Variants in LRP5 observed in about 807,000 individuals in gnomAD.
LRP5 encodes the protein LDL receptor related protein 5.
LRP5 carries 62 observed loss-of-function variants against 154.1 expected under a neutral mutation model. The ratio of observed to expected loss-of-function variants is 0.40; its 90% CI spans 0.33 to 0.50. The LOEUF (loss-of-function observed/expected upper bound fraction) is 0.50, where lower values mean the gene tolerates loss of function less well. Among genes scored for constraint, LRP5 ranks in the 20% least tolerant of loss-of-function variants. The probability of loss-of-function intolerance (pLI) is 0.55; values close to 1 mark genes in which losing one functional copy is unlikely to be tolerated. For synonymous variants in LRP5, 966 were observed against 1,011.5 expected, an observed-to-expected ratio of 0.96 and a Z score of 0.85; for missense variants, 1,915 against 2,336.7, an observed-to-expected ratio of 0.82 and a Z score of 3.72.
chr11:68,443,562 TATATATATATATATATATA>T (rs1390482226), intron 21 of LRP5, among the ~76,000 whole-genome samples: 7 of 34,428 alleles, frequency 2.0e-4, no homozygotes, highest in African/African-American at 9.9e-4. Context: ...TATATATATA[TATATATATATATATATATA>T]TATATTTTTT....
intron 10 of LRP5, 79 bp downstream of exon 10, chr11:68,410,219 CAG>C: frequency 8.4e-7 from 1 of 1,195,878 alleles, no homozygotes; most frequent in South Asian, 1.3e-5. Flanking sequence ...GGCAAGGTGG[CAG>C]GCTGTCCGTG....
In LRP5 at chr11:68,370,704, T is replaced by C. The variant is rs2098633577; in HGVS notation, c.1015+5002T>C. Reference sequence around the variant, plus strand: ...TTTTGCCCTCAGCCGTGAGAGGCACTTTTACACATAACTCAGTTGGAGCAT... The same window carrying C: ...TTTTGCCCTCAGCCGTGAGAGGCACCTTTACACATAACTCAGTTGGAGCAT... On this transcript the variant is annotated intron_variant, in intron 5 of 22. Transcript: ENST00000294304. 2.0e-5 allele frequency among the ~76,000 whole-genome samples: 3 copies of C among 152,346 alleles called. No homozygotes were observed. In the South Asian group the frequency reaches 6.2e-4, roughly 32 times the overall value.
chr11:68,348,122 T>C lies in LRP5; in HGVS notation c.367T>C (p.Tyr123His). Residue 123 changes from tyrosine to histidine, a missense_variant, in exon 2 of 23, where the codon TAC (tyrosine) becomes CAC (histidine). Around this residue, in one of 3 missense-constraint regions of LRP5, gnomAD observed 773 missense variants for 1,100.9 expected, o/e 0.70. Coordinates refer to ENST00000294304, the MANE Select transcript of LRP5 (RefSeq NM_002335.4). The part of the protein sequence containing the change: ...LACDWVGKKL[Y>H]WTDSETNRIE... Reference sequence around the variant, plus strand: ...CTGCGACTGGGTGGGCAAGAAGCTGTACTGGACGGACTCAGAGACCAACCG... The same window carrying C: ...CTGCGACTGGGTGGGCAAGAAGCTGCACTGGACGGACTCAGAGACCAACCG... 1 of 1,614,148 alleles carries C rather than the reference T, an allele frequency of 6.2e-7. No individual in the cohort carries two copies. The highest frequency in any genetic ancestry group is 8.5e-7 in the Non-Finnish European group (1 of 1,180,046).
chr11:68,441,743 A>G (rs1565120192), intron 21 of LRP5, among the ~76,000 whole-genome samples: 1 of 152,154 alleles, frequency 6.6e-6, no homozygotes, highest in Non-Finnish European at 1.5e-5. Flanking sequence ...TTTTTAAATC[A>G]CTTTATTGTT....
Position 68,367,158 on chromosome 11 carries a change from C to G in LRP5, c.1015+1456C>G, listed in dbSNP as rs145852134. Among the ~76,000 whole-genome samples the G allele has an allele frequency of 7.9e-5, 12 of 152,286 alleles. No individual in the cohort carries two copies. The East Asian group carries it at 1.2e-3, about 15-fold the overall frequency. ...AGGCAATGTTGAGAGAGAAACTGGA[C>G]CCAGGGAAGGAGTCCAGATGAGCTG... On this transcript the variant is annotated intron_variant, in intron 5 of 22. Transcript: ENST00000294304.
chr11:68,345,406 G>C (rs1166298941), intron 1 of LRP5, among the ~76,000 whole-genome samples: 2 of 152,166 alleles, frequency 1.3e-5, no homozygotes, highest in Non-Finnish European at 2.9e-5. Flanking sequence ...TCCTGCCTCA[G>C]ACTTGTGAGT....
chr11:68,414,446 G>C (rs1050193541), intron 12 of LRP5, among the ~76,000 whole-genome samples: 1 of 152,194 alleles, frequency 6.6e-6, no homozygotes, highest in Non-Finnish European at 1.5e-5. Context: ...TACAACTGGG[G>C]TGGGTTGAGC....
chr11:68,345,705 A>G lies in LRP5; in HGVS notation c.92-2142A>G, dbSNP rs1034453107. 7.2e-5 allele frequency among the ~76,000 whole-genome samples: 11 copies of G among 152,336 alleles called. No individual in the cohort carries two copies. The South Asian group carries it at 2.1e-3, about 29-fold the overall frequency. ...TAACCCAAAGCGAAATTGCTGGGTC[A>G]TATGGTAATTCTGTGTTTAAGTTTT... On this transcript the variant is annotated intron_variant, in intron 1 of 22. Coordinates refer to ENST00000294304, the MANE Select transcript of LRP5 (RefSeq NM_002335.4).
At chr11:68,390,123 T>C in intron 7 of LRP5, 71 bp downstream of exon 7, 6 of 1,569,746 alleles carry the variant, frequency 3.8e-6, no homozygotes, top group Non-Finnish European at 5.2e-6. Flanking sequence ...GATGTACGTA[T>C]TGGCGAGGCA....
intron 5 of LRP5, among the ~76,000 whole-genome samples, chr11:68,367,883 G>A (rs762735131): frequency 2.6e-5 from 4 of 152,124 alleles, no homozygotes; most frequent in Non-Finnish European, 4.4e-5. Flanking sequence ...GGCCAACATG[G>A]TGAAACTCCA....
At chr11:68,325,688 C>A (rs2098599248) in intron 1 of LRP5, among the ~76,000 whole-genome samples, 1 of 152,176 alleles carries the variant, frequency 6.6e-6, no homozygotes, top group African/African-American at 2.4e-5. Context: ...TATGCGCAGC[C>A]TCCAGAGAAG....
intron 4 of LRP5, among the ~76,000 whole-genome samples, chr11:68,365,242 T>A (rs1330526737): frequency 7.3e-6 from 1 of 137,634 alleles, no homozygotes; most frequent in Non-Finnish European, 1.6e-5. Flanking sequence ...GGTGTTCTAG[T>A]CATAGGAGCT....
At chr11:68,422,836 A>ACCTTCACCT (rs2098666588) in intron 13 of LRP5, among the ~76,000 whole-genome samples, 1 of 128,858 alleles carries the variant, frequency 7.8e-6, no homozygotes, top group African/African-American at 3.0e-5. Context: ...CCTCCCCTGT[A>ACCTTCACCT]CCTTCACCTC....
At chr11:68,407,404 T>C (rs2098656351) in intron 9 of LRP5, among the ~76,000 whole-genome samples, 1 of 151,328 alleles carries the variant, frequency 6.6e-6, no homozygotes, top group Non-Finnish European at 1.5e-5. Context: ...ACTCCTGACC[T>C]CAGGTGATCT....
intron 21 of LRP5, among the ~76,000 whole-genome samples, chr11:68,440,436 C>T (rs1042082629): frequency 3.3e-5 from 5 of 152,324 alleles, no homozygotes; most frequent in Middle Eastern, 3.4e-3. Context: ...TGAGCCACGC[C>T]TTGAGTGAAA....
chr11:68,426,020 C>A lies in LRP5; in HGVS notation c.3470C>A (p.Pro1157His). Residue 1157 changes from proline to histidine, a missense_variant, in exon 16 of 23, where the codon CCT becomes CAT. Physicochemically the swap from Pro to His is moderately conservative, Grantham distance 77 (BLOSUM62 -2). Coordinates refer to ENST00000294304, the MANE Select transcript of LRP5 (RefSeq NM_002335.4). ...CTGGAGGACGCCAACATCGTGCAGC[C>A]TCTGGGCCTGACCATCCTTGGCAAG... ...LTLEDANIVQ[P>H]LGLTILGKHL... 1 of 1,613,290 alleles carries A rather than the reference C, an allele frequency of 6.2e-7. No individual in the cohort carries two copies. The highest frequency in any genetic ancestry group is 8.5e-7 in the Non-Finnish European group (1 of 1,180,016).
intron 5 of LRP5, among the ~76,000 whole-genome samples, chr11:68,372,106 G>T (rs375372229): frequency 6.6e-6 from 1 of 152,228 alleles, no homozygotes; most frequent in Non-Finnish European, 1.5e-5. Context: ...GAGGCATTGT[G>T]AGTGATGTTT....
intron 5 of LRP5, among the ~76,000 whole-genome samples, chr11:68,375,382 G>T (rs17149031): frequency 6.6e-6 from 1 of 152,064 alleles, no homozygotes; most frequent in Non-Finnish European, 1.5e-5. Context: ...ACCTTTTACC[G>T]CCTATTCCAA....
intron 7 of LRP5, among the ~76,000 whole-genome samples, chr11:68,395,301 A>AC (rs1476696264): frequency 6.2e-5 from 5 of 81,082 alleles, no homozygotes; most frequent in African/African-American, 2.9e-4. Context: ...ACTCCATCTC[A>AC]AAAAAAAAAA....
Sources: allele counts gnomAD v4.1 joint callset (sites outside exome capture counted in the v4.1 genomes callset), GRCh38; gene constraint gnomAD v4.1.1; regional missense constraint gnomAD v4.1.1; transcripts MANE v1.5; gene names NCBI Gene and HGNC (gene_info 2026-07-23, HGNC 2026-07-21).